KLHL2: variants seen among roughly 807,000 people sequenced by gnomAD.
KLHL2 encodes kelch like family member 2.
A neutral mutation model predicts 75.8 loss-of-function variants in KLHL2; 15 were observed. That is an observed-to-expected ratio of 0.20 (90% CI 0.13 to 0.30). KLHL2 has a LOEUF of 0.30. Ranked by LOEUF, KLHL2 falls within the 10% of genes least tolerant of loss-of-function variation. The pLI is 1.00. For missense variants in KLHL2, 381 were observed against 741.0 expected (o/e 0.51, Z 5.64); for synonymous variants, 214 against 251.9 (o/e 0.85, Z 1.42).
chr4:165,254,659 A>C (rs1741021144), intron 4 of KLHL2, among the ~76,000 whole-genome samples: 1 of 152,162 alleles, frequency 6.6e-6, no homozygotes, highest in African/African-American at 2.4e-5. Flanking sequence ...TTGAATTGGG[A>C]GGTGCTAGAA....
intron 10 of KLHL2, among the ~76,000 whole-genome samples, chr4:165,310,992 C>G (rs13143788): frequency 9.9e-5 from 15 of 151,656 alleles, no homozygotes; most frequent in Admixed American, 3.9e-4. Flanking sequence ...GCAGCTGGGA[C>G]TATAGGTGCC....
intron 3 of KLHL2, among the ~76,000 whole-genome samples, chr4:165,232,378 G>C (rs1349416228): frequency 5.3e-5 from 8 of 149,668 alleles, no homozygotes; most frequent in Non-Finnish European, 1.2e-4. Flanking sequence ...AGTGAGCCGA[G>C]ATAGCACCAC....
intron 5 of KLHL2, among the ~76,000 whole-genome samples, chr4:165,266,531 T>C (rs1473081818): frequency 6.6e-6 from 1 of 152,222 alleles, no homozygotes; most frequent in African/African-American, 2.4e-5. Context: ...TTCAGCTTTC[T>C]GCATATGGCT....
intron 9 of KLHL2, among the ~76,000 whole-genome samples, chr4:165,306,865 T>C (rs1276446038): frequency 2.6e-5 from 4 of 152,258 alleles, no homozygotes; most frequent in African/African-American, 9.6e-5. Context: ...ATTTTTGCCA[T>C]GTAAAAACTT....
chr4:165,252,384 T>C (rs1015592091), intron 4 of KLHL2, among the ~76,000 whole-genome samples: 2 of 152,016 alleles, frequency 1.3e-5, no homozygotes, highest in African/African-American at 4.8e-5. Context: ...GGTTCTGGCA[T>C]GTTTGGTTTG....
intron 8 of KLHL2, among the ~76,000 whole-genome samples, chr4:165,300,940 A>G (rs868690798): frequency 3.9e-5 from 6 of 152,106 alleles, no homozygotes; most frequent in Non-Finnish European, 1.5e-5. Context: ...CTGCAAATCT[A>G]TATTGGTATT....
intron 4 of KLHL2, among the ~76,000 whole-genome samples, chr4:165,260,987 G>A (rs555214179): frequency 6.6e-6 from 1 of 152,314 alleles, no homozygotes; most frequent in South Asian, 2.1e-4. Flanking sequence ...TCATCGTTCT[G>A]TGTGACCAAA....
chr4:165,279,404 C>A (rs1201892925), intron 5 of KLHL2: 1 of 1,591,786 alleles, frequency 6.3e-7, no homozygotes, highest in Non-Finnish European at 8.6e-7. Flanking sequence ...GTTGGAAATA[C>A]CAATATTGAG....
rs1321416005 is a variant in KLHL2, at chr4:165,264,732, A to G, written c.544+1373A>G. ...TATATATATATATACATATATATAT[A>G]TATATATGTATATATATATATATAT... On this transcript the variant is annotated intron_variant, in intron 5 of 14. Coordinates refer to ENST00000226725, the MANE Select transcript of KLHL2 (RefSeq NM_007246.4). Among the ~76,000 whole-genome samples, 539 of 80,792 alleles carry G rather than the reference A, an allele frequency of 6.7e-3. 7 individuals carry two copies. The highest frequency in any genetic ancestry group is 0.022 in the African/African-American group (518 of 23,786). 53.0% of individuals were successfully genotyped at this position (80,792 alleles called of 152,430 possible). A position where few individuals can be genotyped will look rare whatever the true frequency, so the allele number is the denominator to read the frequency against.
intron 2 of KLHL2, among the ~76,000 whole-genome samples, chr4:165,222,295 A>G (rs574773437): frequency 1.3e-5 from 2 of 152,198 alleles, no homozygotes; most frequent in South Asian, 4.2e-4. Context: ...CAGCCTAGAG[A>G]TGTTTTTCCT....
chr4:165,249,228 A>G (rs1740492074), intron 4 of KLHL2, among the ~76,000 whole-genome samples: 1 of 152,216 alleles, frequency 6.6e-6, no homozygotes, highest in South Asian at 2.1e-4. Flanking sequence ...TCTAGAAACT[A>G]TTTTGTTAGC....
chr4:165,313,430 G>T, intron 12 of KLHL2, 64 bp downstream of exon 12: 1 of 1,350,786 alleles, frequency 7.4e-7, no homozygotes, highest in South Asian at 1.9e-5. Flanking sequence ...AAAGTAAAAT[G>T]ATTCAGTGGC....
chr4:165,212,318 G>A (rs1450237940), intron 1 of KLHL2, among the ~76,000 whole-genome samples: 5 of 152,192 alleles, frequency 3.3e-5, no homozygotes, highest in Non-Finnish European at 7.3e-5. Flanking sequence ...GGGTCAGGGT[G>A]TCTTTGACGA....
intron 4 of KLHL2, among the ~76,000 whole-genome samples, chr4:165,253,324 A>G (rs899128224): frequency 1.3e-5 from 2 of 152,154 alleles, no homozygotes; most frequent in Non-Finnish European, 2.9e-5. Context: ...GTGAGGCACT[A>G]TGCTTGGCCC....
chr4:165,276,424 C>A (rs1306607951), intron 5 of KLHL2, among the ~76,000 whole-genome samples: 1 of 152,074 alleles, frequency 6.6e-6, no homozygotes, highest in African/African-American at 2.4e-5. Flanking sequence ...GCAGACTTCT[C>A]GAAGGGATCA....
chr4:165,243,385 C>T (rs1363895263), intron 4 of KLHL2, among the ~76,000 whole-genome samples: 1 of 152,112 alleles, frequency 6.6e-6, no homozygotes, highest in African/African-American at 2.4e-5. Flanking sequence ...CTTTCTATTC[C>T]TAAATTAATA....
At position 165,265,584 on chromosome 4, in the gene KLHL2, A is replaced by ATTTT. The variant is rs577069135; in HGVS notation, c.544+2226_544+2227insTTTT. Among the ~76,000 whole-genome samples the ATTTT allele has an allele frequency of 2.9e-3, 441 of 152,130 alleles. 2 individuals carry two copies. Among genetic ancestry groups the ATTTT allele is most frequent in the African/African-American group, 8.7e-3 (362 of 41,540 alleles). ...GAGAGATAGGGATCTCTCACCATAT[A>ATTTT]TAAAACGTGTACACGAGCACAACGT... On this transcript the variant is annotated intron_variant, in intron 5 of 14. Transcript: ENST00000226725.
intron 7 of KLHL2, among the ~76,000 whole-genome samples, chr4:165,298,699 T>C (rs1397475231): frequency 1.3e-5 from 2 of 152,022 alleles, no homozygotes; most frequent in Non-Finnish European, 2.9e-5. Context: ...TCCCAGCACT[T>C]AGGGAGGCGG....
intron 7 of KLHL2, among the ~76,000 whole-genome samples, chr4:165,298,952 C>A (rs1412216361): frequency 7.0e-6 from 1 of 141,960 alleles, no homozygotes; most frequent in Admixed American, 7.0e-5. Context: ...CCCCCTCCCC[C>A]CCCAGAAAAA....
Sources: allele counts gnomAD v4.1 joint callset (sites outside exome capture counted in the v4.1 genomes callset), GRCh38; gene constraint gnomAD v4.1.1; transcripts MANE v1.5; gene names NCBI Gene and HGNC (gene_info 2026-07-23, HGNC 2026-07-21).